The following ADAMTS20 variants were observed in gnomAD, a reference collection of about 807,000 sequenced individuals.
ADAMTS20 encodes the protein ADAM metallopeptidase with thrombospondin type 1 motif 20, also known as A disintegrin and metalloproteinase with thrombospondin motifs 20.
In ADAMTS20, 225 loss-of-function variants were observed where a neutral mutation model predicts 260.1. The observed-to-expected ratio is 0.87, with a 90% CI of 0.78 to 0.97. The LOEUF (loss-of-function observed/expected upper bound fraction) is 0.97, where lower values mean the gene tolerates loss of function less well. Among genes scored for constraint, ADAMTS20 ranks in the 50% least tolerant of loss-of-function variants. The probability of loss-of-function intolerance (pLI) is 0.00; values close to 1 mark genes in which losing one functional copy is unlikely to be tolerated. For synonymous variants in ADAMTS20, 802 were observed against 769.5 expected, an observed-to-expected ratio of 1.04 and a Z score of -0.70; for missense variants, 2,400 against 2,337.7, an observed-to-expected ratio of 1.03 and a Z score of -0.55.
intron 28 of ADAMTS20, among the ~76,000 whole-genome samples, chr12:43,422,603 T>G (rs1479518693): frequency 6.6e-6 from 1 of 152,064 alleles, no homozygotes; most frequent in Non-Finnish European, 1.5e-5. Flanking sequence ...TAAATATGAT[T>G]GTAAAAATTC....
chr12:43,400,466 T>C (rs992899092), intron 28 of ADAMTS20, among the ~76,000 whole-genome samples: 1 of 152,050 alleles, frequency 6.6e-6, no homozygotes, highest in Non-Finnish European at 1.5e-5. Context: ...ACTATTATCA[T>C]ATCTTAGATG....
At chr12:43,500,002 T>G (rs1244714638) in intron 4 of ADAMTS20, among the ~76,000 whole-genome samples, 2 of 150,052 alleles carry the variant, frequency 1.3e-5, no homozygotes, top group Admixed American at 6.7e-5. Flanking sequence ...TTTCCTTCAG[T>G]ATCTCTCCCA....
At chr12:43,533,309 T>C in intron 2 of ADAMTS20, among the ~76,000 whole-genome samples, 1 of 151,684 alleles carries the variant, frequency 6.6e-6, no homozygotes. Flanking sequence ...TGGCCAGTGA[T>C]GATGAGCATT....
chr12:43,452,123 T>TC (rs1260367656), intron 14 of ADAMTS20, 151 bp downstream of exon 14: 2 of 767,050 alleles, frequency 2.6e-6, no homozygotes, highest in Non-Finnish European at 4.0e-6. Context: ...TAACCATACT[T>TC]CTATAGATAG....
Position 43,551,359 on chromosome 12 carries a change from G to C in ADAMTS20, c.92-89C>G. 6.7e-7 allele frequency: 1 copy of C among 1,503,128 alleles called. No individual in the cohort carries two copies. The highest frequency in any genetic ancestry group is 8.9e-7 in the Non-Finnish European group (1 of 1,126,512). 93.1% of individuals were successfully genotyped at this position (1,503,128 alleles called of 1,614,324 possible). On this transcript the variant is annotated intron_variant, in intron 1 of 38. Transcript: ENST00000389420. The surrounding 1 kb of genome is among the most constrained non-coding windows in gnomAD (Gnocchi z 4.6). The stretch of plus-strand genomic sequence containing the variant: ...CTTCCACCAAACGTCCCCGCTAAAG[G>C]TCCCAGGTCCCAGTACAGCCAGGGG...
In ADAMTS20 at chr12:43,428,111, T is replaced by C. The variant is rs546081600; in HGVS notation, c.3945+130A>G. The C allele has an allele frequency of 5.2e-6, 5 of 963,154 alleles. No homozygotes were observed. In the South Asian group the frequency reaches 5.4e-5, roughly 10 times the overall value. 59.7% of individuals were successfully genotyped at this position (963,154 alleles called of 1,614,324 possible). ...GAGCATCAAAGACGCTTAATCTTTT[T>C]AATATTTAAACTATTGATCTTGAAA... On this transcript the variant is annotated intron_variant, in intron 26 of 38. Coordinates refer to ENST00000389420, the MANE Select transcript of ADAMTS20 (RefSeq NM_025003.5).
chr12:43,407,437 G>A lies in ADAMTS20; in HGVS notation c.4285-8204C>T, dbSNP rs536120377. Among the ~76,000 whole-genome samples the A allele has an allele frequency of 6.6e-5, 10 of 151,484 alleles. No homozygotes were observed. In the East Asian group the frequency reaches 1.7e-3, roughly 26 times the overall value. ...TCATGCAATATGAGAGAACTTACAT[G>A]TAATTCATCTAACTCAATTGGAAGT... On this transcript the variant is annotated intron_variant, in intron 28 of 38. Coordinates refer to ENST00000389420, the MANE Select transcript of ADAMTS20 (RefSeq NM_025003.5).
intron 14 of ADAMTS20, among the ~76,000 whole-genome samples, chr12:43,451,865 G>A (rs756672101): frequency 1.8e-4 from 28 of 152,116 alleles, no homozygotes; most frequent in Non-Finnish European, 1.3e-4. Context: ...ATAAGTGACA[G>A]AGAGCTGGAA....
intron 37 of ADAMTS20, among the ~76,000 whole-genome samples, chr12:43,364,914 A>C (rs1592027043): frequency 6.6e-6 from 1 of 152,258 alleles, no homozygotes; most frequent in South Asian, 2.1e-4. Context: ...CAAGAAGCTT[A>C]GTGGACTCCA....
At chr12:43,502,478 C>G in intron 3 of ADAMTS20, 73 bp from the exon 4 acceptor site, 1 of 1,406,746 alleles carries the variant, frequency 7.1e-7, no homozygotes, top group South Asian at 1.3e-5. Flanking sequence ...AAAAATAGAA[C>G]AGCCAAAAAT....
chr12:43,454,133 A>G (rs909983836), intron 11 of ADAMTS20, 81 bp from the exon 12 acceptor site: 24 of 1,476,978 alleles, frequency 1.6e-5, no homozygotes, highest in Non-Finnish European at 3.6e-6. Context: ...CAGCATAAAG[A>G]TCAACAGAAG....
intron 28 of ADAMTS20, chr12:43,423,619 T>C: frequency 3.1e-6 from 2 of 635,254 alleles, no homozygotes; most frequent in Middle Eastern, 4.0e-4. Flanking sequence ...ACCAATAAAA[T>C]GAAAGAAGAT....
chr12:43,377,310 C>A, intron 32 of ADAMTS20, 55 bp downstream of exon 32: 2 of 1,467,050 alleles, frequency 1.4e-6, no homozygotes. Context: ...TACCAGATTT[C>A]CCACACCTAG....
chr12:43,427,328 T>C lies in ADAMTS20; in HGVS notation c.4087A>G (p.Asn1363Asp). ...QCGPGPCPQW[N>D]YGNWGECSQT... Reference sequence around the variant, plus strand: ...CTTACTTCTCCCCAATTTCCGTAGTTCCACTGTGGACAAGGCCCTGGACCA... The same window carrying C: ...CTTACTTCTCCCCAATTTCCGTAGTCCCACTGTGGACAAGGCCCTGGACCA... The change falls in exon 27 of 39, where the codon AAC (asparagine) becomes GAC (aspartate). Residue 1363 changes from asparagine (N) to aspartate (D), a missense_variant. Transcript: ENST00000389420. 6.2e-7 allele frequency: 1 copy of C among 1,613,290 alleles called. No homozygotes were observed. The highest frequency in any genetic ancestry group is 1.1e-5 in the South Asian group (1 of 90,940).
At chr12:43,514,341 G>T (rs1976434) in intron 3 of ADAMTS20, among the ~76,000 whole-genome samples, 53,133 of 151,196 alleles carry the variant, frequency 0.35, 9,916 homozygotes, top group East Asian at 0.75. Context: ...GAGGCAGGCA[G>T]ATCATGAGGT....
intron 37 of ADAMTS20, among the ~76,000 whole-genome samples, chr12:43,364,125 A>C (rs1939932960): frequency 6.6e-6 from 1 of 152,184 alleles, no homozygotes; most frequent in Admixed American, 6.6e-5. Context: ...CCCACTGAGG[A>C]GTAACATCAA....
At chr12:43,477,069 A>C (rs901468279) in intron 7 of ADAMTS20, among the ~76,000 whole-genome samples, 1 of 145,654 alleles carries the variant, frequency 6.9e-6, no homozygotes, top group Non-Finnish European at 1.5e-5. Flanking sequence ...AAAAAAAAAA[A>C]CAATTACCTT....
chr12:43,356,529 C>A lies in ADAMTS20; in HGVS notation c.5598G>T (p.Trp1866Cys). ...CAGAGGTATAACTCCCCTGAGTGAG[C>A]CACTTTGCTGTGCTGGATATCTTCA... ...TGMKISSTAK[W>C]LTQGSYTSVS... Residue 1866 changes from tryptophan (W) to cysteine (C), a missense_variant, in exon 38 of 39, where the codon TGG becomes TGT. Physicochemically the swap from Trp to Cys is radical, Grantham distance 215. Coordinates refer to ENST00000389420, the MANE Select transcript of ADAMTS20 (RefSeq NM_025003.5). 1 of 1,611,566 alleles carries A rather than the reference C, an allele frequency of 6.2e-7. No homozygotes were observed.
intron 37 of ADAMTS20, among the ~76,000 whole-genome samples, chr12:43,366,006 CA>C (rs1226595653): frequency 2.6e-5 from 4 of 151,288 alleles, no homozygotes; most frequent in African/African-American, 9.7e-5. Context: ...ATATAGAAAA[CA>C]AAAAGTAAAA....
Sources: allele counts gnomAD v4.1 joint callset (sites outside exome capture counted in the v4.1 genomes callset), GRCh38; gene constraint gnomAD v4.1.1; non-coding constraint Gnocchi (gnomAD v3.1); transcripts MANE v1.5; gene names NCBI Gene and HGNC (gene_info 2026-07-23, HGNC 2026-07-21).